KCNH7: variants seen among roughly 807,000 people sequenced by gnomAD.
KCNH7 encodes the protein potassium voltage-gated channel subfamily H member 7, also known as voltage-gated inwardly rectifying potassium channel KCNH7.
In KCNH7, 49 loss-of-function variants were observed where a neutral mutation model predicts 120.8. The observed-to-expected ratio is 0.41, with a 90% CI of 0.32 to 0.51. KCNH7 has a LOEUF of 0.51. Ranked by LOEUF, KCNH7 falls within the 20% of genes least tolerant of loss-of-function variation. The pLI is 0.38. For missense variants in KCNH7, 1,097 were observed against 1,446.6 expected (o/e 0.76, Z 3.92); for synonymous variants, 547 against 516.1 (o/e 1.06, Z -0.81).
At chr2:162,757,636 A>G (rs1322630003) in intron 2 of KCNH7, among the ~76,000 whole-genome samples, 1 of 152,140 alleles carries the variant, frequency 6.6e-6, no homozygotes, top group African/African-American at 2.4e-5. Context: ...CCATGCACAG[A>G]TACTTATTTC....
intron 2 of KCNH7, among the ~76,000 whole-genome samples, chr2:162,595,599 C>A (rs1694350865): frequency 1.3e-5 from 2 of 151,934 alleles, no homozygotes; most frequent in South Asian, 4.2e-4. Context: ...TATGACAAGC[C>A]TACAGTTGAC....
rs71410017 is a variant in KCNH7 at position 162,586,664 on chromosome 2, C to CTT, written c.308-49586_308-49585dup. Among the ~76,000 whole-genome samples the CTT allele has an allele frequency of 5.5e-3, 738 of 133,874 alleles. 2 individuals are homozygous for CTT. The highest frequency in any genetic ancestry group is 9.6e-3 in the Non-Finnish European group (592 of 61,388). 87.8% of individuals were successfully genotyped at this position (133,874 alleles called of 152,430 possible). A position where few individuals can be genotyped will look rare whatever the true frequency, so the allele number is the denominator to read the frequency against. On this transcript the variant is annotated intron_variant, in intron 2 of 15. Transcript: ENST00000332142. ...TGATATAATGATAACGGTTTCTTTCCTTTTTTTTTTTTTTGCTTTTTTCTC... is the reference window on the plus strand; with the variant it reads ...TGATATAATGATAACGGTTTCTTTCCTTTTTTTTTTTTTTTTGCTTTTTTCTC...
Position 162,396,747 on chromosome 2 carries a change from C to T in KCNH7, c.2606G>A (p.Ser869Asn), listed in dbSNP as rs371887416. Residue 869 changes from serine to asparagine, a missense_variant, in exon 11 of 16, where the codon AGC becomes AAC. Physicochemically the swap from Ser to Asn is conservative, Grantham distance 46. This residue lies in a region of KCNH7 where 406 missense variants were observed against 410.5 expected (regional missense o/e 0.99). Coordinates refer to ENST00000332142, the MANE Select transcript of KCNH7 (RefSeq NM_033272.4). ...LELTFNLRHE[S>N]AKADLLRSQS... is the part of the protein sequence containing the mutation. Reference sequence around the variant, plus strand: ...CAAACAGTTAACATATACCTTTGCGCTCTCATGCCTTAGGTTGAAAGTCAA... The same window carrying T: ...CAAACAGTTAACATATACCTTTGCGTTCTCATGCCTTAGGTTGAAAGTCAA... 25 of 1,607,904 alleles carry T rather than the reference C, an allele frequency of 1.6e-5. No homozygotes were observed. In the East Asian group the frequency reaches 3.8e-4, roughly 25 times the overall value.
At chr2:162,821,303 T>C (rs1255212427) in intron 2 of KCNH7, among the ~76,000 whole-genome samples, 2 of 152,256 alleles carry the variant, frequency 1.3e-5, no homozygotes, top group African/African-American at 4.8e-5. Context: ...TTAAGGTTAA[T>C]TCTCTTTACT....
chr2:162,836,409 A>C, intron 2 of KCNH7, 128 bp downstream of exon 2: 1 of 715,450 alleles, frequency 1.4e-6, no homozygotes, highest in Non-Finnish European at 2.3e-6. Flanking sequence ...GTTGGATCCC[A>C]AAATACTATA....
intron 2 of KCNH7, among the ~76,000 whole-genome samples, chr2:162,610,398 C>A (rs1361704003): frequency 1.3e-5 from 2 of 152,142 alleles, no homozygotes; most frequent in African/African-American, 4.8e-5. Context: ...AACTGCTGTT[C>A]TCCCAAGGCC....
chr2:162,635,806 C>T (rs1683936015), intron 2 of KCNH7, among the ~76,000 whole-genome samples: 2 of 152,056 alleles, frequency 1.3e-5, no homozygotes, highest in Non-Finnish European at 2.9e-5. Flanking sequence ...TTATGAGAAG[C>T]TGCTGAAAAC....
chr2:162,452,644 T>C (rs772628293), intron 6 of KCNH7, among the ~76,000 whole-genome samples: 34 of 152,088 alleles, frequency 2.2e-4, no homozygotes, highest in Non-Finnish European at 4.1e-4. Flanking sequence ...TGTACTTAGC[T>C]ACATTGCTCA....
chr2:162,560,642 T>C (rs1370717395), intron 2 of KCNH7, among the ~76,000 whole-genome samples: 2 of 152,254 alleles, frequency 1.3e-5, no homozygotes, highest in Non-Finnish European at 2.9e-5. Context: ...CAGTCAAGTA[T>C]GAAAATGAAT....
intron 9 of KCNH7, among the ~76,000 whole-genome samples, chr2:162,407,708 T>A (rs952572675): frequency 2.0e-5 from 3 of 151,936 alleles, no homozygotes; most frequent in African/African-American, 7.2e-5. Flanking sequence ...CCTGCTCAAT[T>A]ATTTGAGAGA....
chr2:162,473,267 A>G lies in KCNH7; in HGVS notation c.1129-26824T>C, dbSNP rs114492790. 8.2e-3 allele frequency among the ~76,000 whole-genome samples: 1,245 copies of G among 152,148 alleles called. 21 individuals are homozygous for G. Among genetic ancestry groups the G allele is most frequent in the African/African-American group, 0.029 (1,186 of 41,538 alleles). ...AAATAAAAAATACTAGAATCATAAA[A>G]CAAAAAAAGAGAAAAAAAATAAATG... On this transcript the variant is annotated intron_variant, in intron 6 of 15. Coordinates refer to ENST00000332142, the MANE Select transcript of KCNH7 (RefSeq NM_033272.4).
intron 6 of KCNH7, among the ~76,000 whole-genome samples, chr2:162,462,468 G>A (rs1355439581): frequency 6.6e-6 from 1 of 151,776 alleles, no homozygotes; most frequent in Non-Finnish European, 1.5e-5. Context: ...ATGGATCTCT[G>A]AATGTTTGTG....
intron 2 of KCNH7, among the ~76,000 whole-genome samples, chr2:162,779,923 AG>A (rs1683412458): frequency 6.6e-6 from 1 of 152,174 alleles, no homozygotes; most frequent in Admixed American, 6.5e-5. Context: ...CACTTCCTCA[AG>A]GTACATGTGT....
intron 2 of KCNH7, among the ~76,000 whole-genome samples, chr2:162,805,354 C>A (rs540527639): frequency 6.6e-6 from 1 of 151,822 alleles, no homozygotes; most frequent in East Asian, 1.9e-4. Flanking sequence ...GACTAGTATC[C>A]AGAATCTATA....
At chr2:162,778,946 C>CTTTTTTT (rs200107249) in intron 2 of KCNH7, among the ~76,000 whole-genome samples, 14 of 136,492 alleles carry the variant, frequency 1.0e-4, no homozygotes, top group Non-Finnish European at 1.3e-4. Flanking sequence ...GGAACAAATT[C>CTTTTTTT]TTTTTTTTTT....
At chr2:162,521,745 T>C (rs2105793575) in intron 3 of KCNH7, among the ~76,000 whole-genome samples, 1 of 152,072 alleles carries the variant, frequency 6.6e-6, no homozygotes, top group East Asian at 2.0e-4. Flanking sequence ...TCATTTTTTG[T>C]GTCAGAAACA....
At chr2:162,770,419 T>A (rs1002326175) in intron 2 of KCNH7, among the ~76,000 whole-genome samples, 1 of 151,856 alleles carries the variant, frequency 6.6e-6, no homozygotes, top group South Asian at 2.1e-4. Flanking sequence ...AACTATAAAC[T>A]ATTAAAGATG....
At chr2:162,658,589 C>T (rs1012720909) in intron 2 of KCNH7, among the ~76,000 whole-genome samples, 2 of 152,124 alleles carry the variant, frequency 1.3e-5, no homozygotes, top group Admixed American at 1.3e-4. Flanking sequence ...AGTTGGCAAT[C>T]TTCCTGTCTA....
intron 2 of KCNH7, among the ~76,000 whole-genome samples, chr2:162,558,845 C>T (rs181910830): frequency 8.6e-5 from 13 of 151,596 alleles, no homozygotes; most frequent in Non-Finnish European, 1.9e-4. Flanking sequence ...GGGCTGATCA[C>T]GAGGTCAGGA....
Sources: allele counts gnomAD v4.1 joint callset (sites outside exome capture counted in the v4.1 genomes callset), GRCh38; gene constraint gnomAD v4.1.1; regional missense constraint gnomAD v4.1.1; transcripts MANE v1.5; gene names NCBI Gene and HGNC (gene_info 2026-07-23, HGNC 2026-07-21).